ZFHX3: variants seen among roughly 807,000 people sequenced by gnomAD.
The protein encoded by ZFHX3 is zinc finger homeobox protein 3.
ZFHX3 carries 42 observed loss-of-function variants against 279.1 expected under a neutral mutation model. That is an observed-to-expected ratio of 0.15 (90% CI 0.12 to 0.19). The LOEUF is 0.19. ZFHX3 is among the 10% of genes least tolerant of loss of function. The pLI is 1.00. For missense variants in ZFHX3, 4,981 were observed against 4,754.0 expected (o/e 1.05, Z -1.40); for synonymous variants, 2,293 against 1,957.8 (o/e 1.17, Z -4.52).
At chr16:73,151,984 G>A (rs1012920750) in intron 5 of ZFHX3, among the ~76,000 whole-genome samples, 1 of 151,396 alleles carries the variant, frequency 6.6e-6, no homozygotes, top group Admixed American at 6.6e-5. Context: ...TGGGAAGGGG[G>A]TTTGGAACCT....
chr16:73,737,070 A>G (rs905378203), intron 1 of ZFHX3, among the ~76,000 whole-genome samples: 1 of 151,846 alleles, frequency 6.6e-6, no homozygotes, highest in Non-Finnish European at 1.5e-5. Flanking sequence ...GTCTCACTCT[A>G]TCACTCAAGC....
intron 1 of ZFHX3, among the ~76,000 whole-genome samples, chr16:73,875,571 A>T (rs1258569346): frequency 6.6e-6 from 1 of 152,152 alleles, no homozygotes; most frequent in Non-Finnish European, 1.5e-5. Flanking sequence ...CTATTTTTCC[A>T]CTTCCAAATA....
chr16:73,622,000 C>T (rs551423739), intron 2 of ZFHX3, among the ~76,000 whole-genome samples: 3 of 152,340 alleles, frequency 2.0e-5, no homozygotes, highest in South Asian at 4.1e-4. Context: ...CTGAAACTTA[C>T]ATTCTTGCTT....
chr16:72,977,779 T>C lies in ZFHX3; in HGVS notation c.-49-17585A>G, dbSNP rs541801951. The stretch of plus-strand genomic sequence containing the variant: ...AAAATCTGTGCACAATTTCAAACCA[T>C]GCACCCCAGGGTGGAGGGGAGAGAT... On this transcript the variant is annotated intron_variant, in intron 1 of 9. Transcript: ENST00000268489. 5.3e-5 allele frequency among the ~76,000 whole-genome samples: 8 copies of C among 151,666 alleles called. No homozygotes were observed. The East Asian group carries it at 5.8e-4, about 11-fold the overall frequency.
intron 6 of ZFHX3, among the ~76,000 whole-genome samples, chr16:73,136,121 G>T (rs936482909): frequency 7.9e-5 from 12 of 152,170 alleles, no homozygotes; most frequent in African/African-American, 1.2e-4. Flanking sequence ...CTCCTAAAGT[G>T]CTGGGATTAC....
At chr16:73,240,021 T>TTGTGTGTG (rs113010649) in intron 5 of ZFHX3, among the ~76,000 whole-genome samples, 6 of 146,950 alleles carry the variant, frequency 4.1e-5, no homozygotes, top group Non-Finnish European at 6.0e-5. Flanking sequence ...GAACCTTATT[T>TTGTGTGTG]TGTGTGTGTG....
intron 1 of ZFHX3, among the ~76,000 whole-genome samples, chr16:73,736,736 T>C (rs16972423): frequency 0.064 from 9,743 of 152,256 alleles, 415 homozygotes; most frequent in African/African-American, 0.12. Flanking sequence ...ATTTCACCTA[T>C]GCACAGTTTA....
At chr16:73,577,027 G>A (rs825686) in intron 2 of ZFHX3, among the ~76,000 whole-genome samples, 87,208 of 151,838 alleles carry the variant, frequency 0.57, 25,850 homozygotes, top group East Asian at 0.89. Flanking sequence ...TTGGAACTCA[G>A]TGTATTTTGT....
Position 73,691,717 on chromosome 16 carries a change from T to G in ZFHX3, c.-1607-11477A>C, listed in dbSNP as rs145217800. Reference sequence around the variant, plus strand: ...AACACCCAGTATATATGGTGGGGCCTGAATTTGAACCCAGACAATATGATT... The same window carrying G: ...AACACCCAGTATATATGGTGGGGCCGGAATTTGAACCCAGACAATATGATT... On this transcript the variant is annotated intron_variant, in intron 1 of 17. Coordinates refer to the ZFHX3 transcript ENST00000641206. Among the ~76,000 whole-genome samples the G allele has an allele frequency of 6.6e-3, 1,008 of 152,330 alleles. 18 individuals are homozygous for G. The highest frequency in any genetic ancestry group is 0.023 in the African/African-American group (955 of 41,560).
chr16:73,764,089 G>A (rs1310600868), intron 1 of ZFHX3, among the ~76,000 whole-genome samples: 1 of 152,132 alleles, frequency 6.6e-6, no homozygotes, highest in Admixed American at 6.6e-5. Context: ...TCATAAATGG[G>A]TATTGTTTTA....
At chr16:73,464,943 G>A (rs1342568915) in intron 2 of ZFHX3, among the ~76,000 whole-genome samples, 1 of 152,136 alleles carries the variant, frequency 6.6e-6, no homozygotes, top group African/African-American at 2.4e-5. Context: ...TGACATCACA[G>A]GGGCCCACCA....
At position 73,798,317 on chromosome 16, in the gene ZFHX3, A is replaced by C. The variant is rs421566; in HGVS notation, c.-1608+93334T>G. Among the ~76,000 whole-genome samples the C allele has an allele frequency of 4.3e-3, 644 of 151,504 alleles. 6 individuals carry two copies. The highest frequency in any genetic ancestry group is 0.014 in the African/African-American group (586 of 41,268). On this transcript the variant is annotated intron_variant, in intron 1 of 17. Transcript: ENST00000641206. ...CTCTTTTTAGGGAAGATATTCTTGGAGAGATGCTTGGGGGAAAGGTGAGAC... is the reference window on the plus strand; with the variant it reads ...CTCTTTTTAGGGAAGATATTCTTGGCGAGATGCTTGGGGGAAAGGTGAGAC...
rs545876258 is a variant in ZFHX3 at position 73,671,765 on chromosome 16, T to C, written c.-1547+8415A>G. Reference sequence around the variant, plus strand: ...GTTCCAAATTACTACTTTTCCTGGCTTTCCTTGAAGGGGAGTTTAGACTTA... The same window carrying C: ...GTTCCAAATTACTACTTTTCCTGGCCTTCCTTGAAGGGGAGTTTAGACTTA... On this transcript the variant is annotated intron_variant, in intron 2 of 17. Transcript: ENST00000641206. Among the ~76,000 whole-genome samples the C allele has an allele frequency of 1.4e-4, 22 of 152,334 alleles. 1 individual carries two copies. In the South Asian group the frequency reaches 4.6e-3, roughly 32 times the overall value.
At chr16:72,976,123 T>C (rs1416924488) in intron 1 of ZFHX3, among the ~76,000 whole-genome samples, 1 of 152,190 alleles carries the variant, frequency 6.6e-6, no homozygotes, top group Non-Finnish European at 1.5e-5. Context: ...CACACAAACA[T>C]ATGAAAAATG....
At chr16:73,471,753 A>T (rs865831390) in intron 2 of ZFHX3, among the ~76,000 whole-genome samples, 6 of 152,212 alleles carry the variant, frequency 3.9e-5, no homozygotes, top group African/African-American at 7.2e-5. Flanking sequence ...ATCTCACTTG[A>T]GAAGAACTCA....
At chr16:72,981,254 T>C (rs1962585728) in intron 1 of ZFHX3, among the ~76,000 whole-genome samples, 1 of 152,300 alleles carries the variant, frequency 6.6e-6, no homozygotes, top group Admixed American at 6.5e-5. Context: ...AAAGACAATA[T>C]GCATCACGCC....
At chr16:73,681,219 A>C (rs1191796655) in intron 1 of ZFHX3, among the ~76,000 whole-genome samples, 3 of 152,214 alleles carry the variant, frequency 2.0e-5, no homozygotes, top group African/African-American at 7.2e-5. Context: ...TTAAGGCAAC[A>C]TGGGAGAGAA....
At chr16:72,967,156 C>T (rs943178849) in intron 1 of ZFHX3, among the ~76,000 whole-genome samples, 2 of 152,166 alleles carry the variant, frequency 1.3e-5, no homozygotes, top group African/African-American at 4.8e-5. Flanking sequence ...TCCCTGAATC[C>T]ATTCCTTTTC....
chr16:73,130,067 A>G (rs1020767253), intron 7 of ZFHX3, among the ~76,000 whole-genome samples: 12 of 152,206 alleles, frequency 7.9e-5, no homozygotes, highest in Non-Finnish European at 1.8e-4. Context: ...GCATGGACCT[A>G]TAATACTTAA....
Sources: gnomAD v4.1 joint callset for allele counts (sites outside exome capture counted in the v4.1 genomes callset) on GRCh38, gnomAD v4.1.1 for gene constraint, MANE v1.5 for transcripts, NCBI Gene and HGNC (gene_info 2026-07-23, HGNC 2026-07-21) for gene names.